RBM19: variants seen among roughly 807,000 people sequenced by gnomAD.
RBM19 encodes the protein probable RNA-binding protein 19.
In RBM19, 94 loss-of-function variants were observed where a neutral mutation model predicts 116.8. That is an observed-to-expected ratio of 0.80 (90% confidence interval 0.68 to 0.95). The LOEUF (loss-of-function observed/expected upper bound fraction) is 0.95. RBM19 is among the 40% of genes least tolerant of loss of function. The pLI is 0.00. For synonymous variants in RBM19, 475 were observed against 494.1 expected, an observed-to-expected ratio of 0.96 and a Z score of 0.51; for missense variants, 1,161 against 1,220.7, an observed-to-expected ratio of 0.95 and a Z score of 0.73.
rs1217544508 is a variant in RBM19 at position 113,825,418 on chromosome 12, G to A, written c.2786-2097C>T. ...CCTTGTGACCTCCTAGACACTCTTG[G>A]TTTCCTTATAATCGCCAGCCCTGGA... On this transcript the variant is annotated intron_variant, in intron 23 of 23. Transcript: ENST00000261741. This position sits in a 1 kb window ranked among gnomAD's most constrained non-coding sequence, Gnocchi z 5.7. Among the ~76,000 whole-genome samples the A allele has an allele frequency of 3.9e-5, 6 of 152,326 alleles. No homozygotes were observed. Among genetic ancestry groups the A allele is most frequent in the Admixed American group, 3.3e-4 (5 of 15,302 alleles).
chr12:113,831,766 G>A (rs977627445), intron 23 of RBM19, among the ~76,000 whole-genome samples: 5 of 152,210 alleles, frequency 3.3e-5, no homozygotes, highest in Non-Finnish European at 5.9e-5. Flanking sequence ...AAGAGAGTGT[G>A]CGGGATATTG....
intron 21 of RBM19, among the ~76,000 whole-genome samples, chr12:113,914,487 A>C (rs1882647049): frequency 6.6e-6 from 1 of 152,086 alleles, no homozygotes; most frequent in Admixed American, 6.5e-5. Flanking sequence ...CGATGTCTAG[A>C]CCCCACTGTT....
At chr12:113,845,771 G>C (rs1393076985) in intron 22 of RBM19, among the ~76,000 whole-genome samples, 1 of 152,172 alleles carries the variant, frequency 6.6e-6, no homozygotes, top group Non-Finnish European at 1.5e-5. Flanking sequence ...TAACTTGATG[G>C]GCTCATCCCC....
intron 21 of RBM19, among the ~76,000 whole-genome samples, chr12:113,909,851 T>A (rs542718316): frequency 3.5e-4 from 54 of 152,230 alleles, no homozygotes; most frequent in Non-Finnish European, 6.8e-4. Context: ...GGCTGGGAGC[T>A]TTTCATGAGC....
intron 2 of RBM19, among the ~76,000 whole-genome samples, chr12:113,961,912 T>C (rs1253302952): frequency 3.3e-5 from 5 of 152,200 alleles, no homozygotes; most frequent in African/African-American, 1.2e-4. Context: ...CATGAGTGAA[T>C]GGATGAGGTA....
intron 23 of RBM19, among the ~76,000 whole-genome samples, chr12:113,835,433 G>A (rs1298571008): frequency 6.6e-6 from 1 of 152,176 alleles, no homozygotes; most frequent in Non-Finnish European, 1.5e-5. Context: ...GCAGGCTGTG[G>A]TACTCGAGGA....
chr12:113,955,797 C>T (rs75108771), intron 6 of RBM19, among the ~76,000 whole-genome samples: 12 of 152,332 alleles, frequency 7.9e-5, no homozygotes, highest in East Asian at 3.9e-4. Context: ...ATTCACGCAG[C>T]GCAAGCAGTC....
chr12:113,961,926 C>G (rs1364160267), intron 2 of RBM19, among the ~76,000 whole-genome samples: 1 of 152,238 alleles, frequency 6.6e-6, no homozygotes, highest in African/African-American at 2.4e-5. Flanking sequence ...TGAGGTAGAG[C>G]TGTGGTTCTC....
chr12:113,959,234 C>T lies in RBM19; in HGVS notation c.549G>A (p.Glu183=). 2.5e-6 allele frequency: 4 copies of T among 1,612,276 alleles called. No individual in the cohort carries two copies. Among genetic ancestry groups the T allele is most frequent in the Non-Finnish European group, 3.4e-6 (4 of 1,179,346 alleles). ...CACCTTCCAGGTCCTCCCCGGCTCC[C>T]TCCTCCTCACTCTCCTGCCCAGAAT... ...DSDSGQESEE[E]GAGEDLEEEA... Residue 183 remains glutamate (E), a synonymous_variant, in exon 5 of 24, where the codon GAG becomes GAA. Coordinates refer to ENST00000261741, the MANE Select transcript of RBM19 (RefSeq NM_016196.4).
intron 23 of RBM19, among the ~76,000 whole-genome samples, chr12:113,830,450 T>C (rs1875280184): frequency 6.6e-6 from 1 of 151,862 alleles, no homozygotes. Flanking sequence ...CTTCCCTCTG[T>C]GCTCTGGGTG....
chr12:113,828,152 C>T (rs967312929), intron 23 of RBM19, among the ~76,000 whole-genome samples: 4 of 150,664 alleles, frequency 2.7e-5, no homozygotes, highest in South Asian at 2.1e-4. Context: ...GGGCCTCCCA[C>T]TGTGGGCCCA....
intron 21 of RBM19, among the ~76,000 whole-genome samples, chr12:113,892,432 C>G (rs1174181591): frequency 1.3e-5 from 2 of 152,172 alleles, no homozygotes; most frequent in Admixed American, 6.5e-5. Context: ...GGCATTTGCT[C>G]AATTTCCCAA....
downstream of RBM19, among the ~76,000 whole-genome samples, chr12:113,819,836 T>C (rs1874299238): frequency 6.6e-6 from 1 of 152,238 alleles, no homozygotes; most frequent in Non-Finnish European, 1.5e-5. Flanking sequence ...CAAATGACTT[T>C]TCCCGAGCTC....
At chr12:113,861,610 C>T (rs576651789) in intron 21 of RBM19, among the ~76,000 whole-genome samples, 4 of 151,998 alleles carry the variant, frequency 2.6e-5, no homozygotes, top group African/African-American at 4.8e-5. Flanking sequence ...GTTAATTCCT[C>T]CCTCTCTGCA....
At chr12:113,920,832 C>T (rs1406567509) in intron 18 of RBM19, 142 bp from the exon 19 acceptor site, 1 of 749,006 alleles carries the variant, frequency 1.3e-6, no homozygotes, top group Non-Finnish European at 2.3e-6. Flanking sequence ...AATCTCAGCA[C>T]CTGGCTTGCT....
intron 23 of RBM19, among the ~76,000 whole-genome samples, chr12:113,826,804 G>T (rs1284029048): frequency 2.0e-5 from 3 of 152,250 alleles, no homozygotes; most frequent in African/African-American, 7.2e-5. Context: ...TGTTGACTTC[G>T]TGTCTCTCTT....
At chr12:113,866,204 C>CA (rs1878797563) in intron 21 of RBM19, among the ~76,000 whole-genome samples, 1 of 152,180 alleles carries the variant, frequency 6.6e-6, no homozygotes, top group African/African-American at 2.4e-5. Flanking sequence ...TACTGCTCAT[C>CA]ATGGTGAGAG....
intron 2 of RBM19, among the ~76,000 whole-genome samples, chr12:113,960,677 G>A (rs1054429513): frequency 6.6e-6 from 1 of 152,044 alleles, no homozygotes; most frequent in Non-Finnish European, 1.5e-5. Context: ...AGATGACCTG[G>A]GCCAAGCACT....
At chr12:113,945,758 C>G in intron 13 of RBM19, 70 bp downstream of exon 13, 1 of 1,328,512 alleles carries the variant, frequency 7.5e-7, no homozygotes, top group African/African-American at 1.5e-5. Flanking sequence ...AGCAGTACAA[C>G]GAGCCTCCTG....
Sources: allele counts gnomAD v4.1 joint callset (sites outside exome capture counted in the v4.1 genomes callset), GRCh38; gene constraint gnomAD v4.1.1; non-coding constraint Gnocchi (gnomAD v3.1); transcripts MANE v1.5; gene names NCBI Gene and HGNC (gene_info 2026-07-23, HGNC 2026-07-21).